Variants in NEO1 observed in about 807,000 individuals in gnomAD.
NEO1 encodes neogenin 1.
NEO1 carries 63 observed loss-of-function variants against 159.7 expected under a neutral mutation model. The observed-to-expected ratio is 0.39, with a 90% CI of 0.32 to 0.49. NEO1 has a LOEUF of 0.49. Ranked by LOEUF, NEO1 falls within the 20% of genes least tolerant of loss-of-function variation. The probability of loss-of-function intolerance (pLI) is 0.85; values close to 1 mark genes in which losing one functional copy is unlikely to be tolerated. For missense variants in NEO1, 1,615 were observed against 1,831.0 expected (o/e 0.88, Z 2.15); for synonymous variants, 633 against 662.0 (o/e 0.96, Z 0.67).
At chr15:73,273,761 A>T (rs1336711919) in intron 19 of NEO1, 50 bp from the exon 20 acceptor site, 1 of 1,471,818 alleles carries the variant, frequency 6.8e-7, no homozygotes. Flanking sequence ...ACTGAAGGCA[A>T]AAGGAAAAGC....
In NEO1 at chr15:73,116,544, C is replaced by A; in HGVS notation, c.135C>A (p.Ala45=). ...TCTTTTTCTTTATTTTTGTAGGAGCCAGCATTCGAACGTTCACTCCATTTT... is the reference window on the plus strand; with the variant it reads ...TCTTTTTCTTTATTTTTGTAGGAGCAAGCATTCGAACGTTCACTCCATTTT... ...RSGSAPQSPG[A]SIRTFTPFYF... The change falls in exon 2 of 29, where the codon GCC becomes GCA. Residue 45 remains alanine, a synonymous_variant. Transcript: ENST00000261908. 4 of 1,506,538 alleles carry A rather than the reference C, an allele frequency of 2.7e-6. No homozygotes were observed. Among genetic ancestry groups the A allele is most frequent in the Non-Finnish European group, 3.5e-6 (4 of 1,132,194 alleles). The allele number at this position is 1,506,538 out of a possible 1,614,324, so 93.3% of individuals were successfully genotyped here.
rs147304115 is a variant in NEO1 at position 73,194,050 on chromosome 15, G to C, written c.1291+15623G>C. On this transcript the variant is annotated intron_variant, in intron 7 of 28. Transcript: ENST00000261908. ...TATGAGTACAGGAATATACATCTGG[G>C]AAGGTGTGCAGAGACCAGATTATTT... Among the ~76,000 whole-genome samples the C allele has an allele frequency of 2.4e-3, 362 of 152,278 alleles. 3 individuals carry two copies. The highest frequency in any genetic ancestry group is 7.5e-3 in the African/African-American group (310 of 41,568).
intron 7 of NEO1, among the ~76,000 whole-genome samples, chr15:73,196,941 G>T (rs187354157): frequency 1.1e-4 from 16 of 152,274 alleles, no homozygotes; most frequent in African/African-American, 3.6e-4. Context: ...AGTTCTATGG[G>T]TGTTAAGTTT....
At position 73,102,796 on chromosome 15, in the gene NEO1, A is replaced by G. The variant is rs1240805787; in HGVS notation, c.131-13744A>G. Among the ~76,000 whole-genome samples, 7 of 152,216 alleles carry G rather than the reference A, an allele frequency of 4.6e-5. No individual in the cohort carries two copies. In the East Asian group the frequency reaches 9.7e-4, roughly 21 times the overall value. On this transcript the variant is annotated intron_variant, in intron 1 of 28. Coordinates refer to ENST00000261908, the MANE Select transcript of NEO1 (RefSeq NM_002499.4). ...CTGTCTCATCTTTTCCTGTAACTCC[A>G]GTTTCAACATGTATTCTTCATTCTG...
Position 73,074,150 on chromosome 15 carries a change from A to G in NEO1, c.130+21345A>G, listed in dbSNP as rs571365685. Among the ~76,000 whole-genome samples, 29 of 152,338 alleles carry G rather than the reference A, an allele frequency of 1.9e-4. No homozygotes were observed. The South Asian group carries it at 6.0e-3, about 32-fold the overall frequency. On this transcript the variant is annotated intron_variant, in intron 1 of 28. Coordinates refer to ENST00000261908, the MANE Select transcript of NEO1 (RefSeq NM_002499.4). ...CAGATTTTACTCATTTGAGGACTCA[A>G]GTCATGTCTAAACAGATAAAGGTAT...
At chr15:73,189,010 G>A (rs547647513) in intron 7 of NEO1, among the ~76,000 whole-genome samples, 1 of 152,088 alleles carries the variant, frequency 6.6e-6, no homozygotes, top group Non-Finnish European at 1.5e-5. Context: ...GAGATGGGAG[G>A]ATTGCTTGAG....
chr15:73,269,933 T>G (rs958268794), intron 16 of NEO1, 77 bp from the exon 17 acceptor site: 1 of 1,135,774 alleles, frequency 8.8e-7, no homozygotes, highest in Non-Finnish European at 1.3e-6. Flanking sequence ...TCCATTATAT[T>G]ACCCTGCATT....
chr15:73,182,288 A>C (rs555370101), intron 7 of NEO1, among the ~76,000 whole-genome samples: 1 of 152,164 alleles, frequency 6.6e-6, no homozygotes, highest in Admixed American at 6.5e-5. Context: ...TCCAAACCAT[A>C]TCACTAGAAG....
At chr15:73,085,088 T>C (rs951437785) in intron 1 of NEO1, among the ~76,000 whole-genome samples, 1 of 134,688 alleles carries the variant, frequency 7.4e-6, no homozygotes. Flanking sequence ...TTAGTTCAGT[T>C]AAAAAAGTTT....
At chr15:73,051,870 C>G (rs995887512), upstream of NEO1, 1 of 152,194 alleles carries the variant, frequency 6.6e-6, no homozygotes, top group Non-Finnish European at 1.5e-5. Context: ...TCCTCTGAGG[C>G]CCTATATAGA....
At chr15:73,175,496 T>G (rs771356438) in intron 5 of NEO1, among the ~76,000 whole-genome samples, 1 of 152,320 alleles carries the variant, frequency 6.6e-6, no homozygotes, top group Non-Finnish European at 1.5e-5. Flanking sequence ...GACGTCAAGT[T>G]GCCACAAATT....
intron 7 of NEO1, among the ~76,000 whole-genome samples, chr15:73,209,497 T>G (rs551744296): frequency 1.1e-4 from 16 of 152,378 alleles, no homozygotes; most frequent in African/African-American, 3.6e-4. Context: ...TTTCTGTGCT[T>G]CTCAAGGTTT....
At chr15:73,104,253 C>T (rs1198442443) in intron 1 of NEO1, among the ~76,000 whole-genome samples, 1 of 152,196 alleles carries the variant, frequency 6.6e-6, no homozygotes, top group East Asian at 1.9e-4. Context: ...GCTTTCTAAA[C>T]TGAAAGCTAA....
At chr15:73,146,702 A>C (rs2032926270) in intron 5 of NEO1, among the ~76,000 whole-genome samples, 1 of 152,218 alleles carries the variant, frequency 6.6e-6, no homozygotes. Context: ...ATATTCTAGA[A>C]AAGACCAGAA....
chr15:73,231,891 T>C (rs2038930960), intron 7 of NEO1, among the ~76,000 whole-genome samples: 1 of 151,918 alleles, frequency 6.6e-6, no homozygotes, highest in Non-Finnish European at 1.5e-5. Flanking sequence ...GAATCAGTAA[T>C]AAGCTAACTT....
At chr15:73,171,079 A>G (rs747871835) in intron 5 of NEO1, among the ~76,000 whole-genome samples, 1 of 152,302 alleles carries the variant, frequency 6.6e-6, no homozygotes, top group East Asian at 1.9e-4. Flanking sequence ...CATGTTAAAT[A>G]CCACTATGGC....
intron 22 of NEO1, among the ~76,000 whole-genome samples, chr15:73,280,280 C>T (rs982928816): frequency 5.4e-5 from 8 of 149,312 alleles, no homozygotes; most frequent in African/African-American, 1.5e-4. Flanking sequence ...AGTGAGGTTC[C>T]GTCTCAAAAA....
At chr15:73,089,315 G>C (rs1239977991) in intron 1 of NEO1, among the ~76,000 whole-genome samples, 1 of 152,214 alleles carries the variant, frequency 6.6e-6, no homozygotes, top group South Asian at 2.1e-4. Context: ...TCAGTGATTT[G>C]TATGTACCTG....
chr15:73,245,627 T>C (rs1408645175), intron 9 of NEO1, among the ~76,000 whole-genome samples: 1 of 151,466 alleles, frequency 6.6e-6, no homozygotes, highest in East Asian at 1.9e-4. Flanking sequence ...CAGGCTGGAG[T>C]GCAGTGGCAC....
Sources: allele counts gnomAD v4.1 joint callset (sites outside exome capture counted in the v4.1 genomes callset), GRCh38; gene constraint gnomAD v4.1.1; transcripts MANE v1.5; gene names NCBI Gene and HGNC (gene_info 2026-07-23, HGNC 2026-07-21).